ZBTB7C: variants seen among roughly 807,000 people sequenced by gnomAD.
ZBTB7C encodes zinc finger and BTB domain-containing protein 7C.
A neutral mutation model predicts 25.7 loss-of-function variants in ZBTB7C; 8 were observed. The ratio of observed to expected loss-of-function variants is 0.31; its 90% CI spans 0.18 to 0.56. The LOEUF is 0.56. Among genes scored for constraint, ZBTB7C ranks in the 20% least tolerant of loss-of-function variants. The probability of loss-of-function intolerance (pLI) is 0.91; values close to 1 mark genes in which losing one functional copy is unlikely to be tolerated. For missense variants in ZBTB7C, 824 were observed against 855.2 expected (o/e 0.96, Z 0.46); for synonymous variants, 394 against 369.0 (o/e 1.07, Z -0.78).
chr18:48,092,254 CG>C (rs1286376503), intron 3 of ZBTB7C, among the ~76,000 whole-genome samples: 1 of 152,212 alleles, frequency 6.6e-6, no homozygotes, highest in African/African-American at 2.4e-5. Flanking sequence ...GAACTTAACA[CG>C]TTGTGAACCC....
intron 3 of ZBTB7C, among the ~76,000 whole-genome samples, chr18:48,178,635 T>G (rs547361572): frequency 1.3e-5 from 2 of 152,316 alleles, no homozygotes; most frequent in Non-Finnish European, 2.9e-5. Flanking sequence ...GGCTCTTTAT[T>G]ATTCATTCTA....
chr18:48,210,701 C>G (rs11877704), intron 2 of ZBTB7C, among the ~76,000 whole-genome samples: 18,466 of 151,574 alleles, frequency 0.12, 1,506 homozygotes, highest in Non-Finnish European at 0.18. Context: ...TACGAGGTGT[C>G]TCCGGGGGTA....
intron 4 of ZBTB7C, among the ~76,000 whole-genome samples, chr18:48,036,568 TGAAG>T (rs2035980451): frequency 6.6e-6 from 1 of 152,024 alleles, no homozygotes; most frequent in South Asian, 2.1e-4. Context: ...TCAGCTGTGA[TGAAG>T]GAAAGACTCG....
chr18:48,191,639 C>T (rs1345766429), intron 2 of ZBTB7C, among the ~76,000 whole-genome samples: 1 of 152,194 alleles, frequency 6.6e-6, no homozygotes, highest in Non-Finnish European at 1.5e-5. Flanking sequence ...GGAGAAAGTA[C>T]TTCTGGGGCT....
intron 2 of ZBTB7C, among the ~76,000 whole-genome samples, chr18:48,190,043 A>G (rs539345536): frequency 1.3e-5 from 2 of 152,244 alleles, no homozygotes; most frequent in Non-Finnish European, 2.9e-5. Context: ...CCTTGACCAG[A>G]GTGCTGTTGG....
intron 2 of ZBTB7C, among the ~76,000 whole-genome samples, chr18:48,332,137 C>A (rs771048789): frequency 6.6e-6 from 1 of 152,200 alleles, no homozygotes; most frequent in Non-Finnish European, 1.5e-5. Context: ...TCATCGATTG[C>A]ATTTGGTTGG....
intron 3 of ZBTB7C, among the ~76,000 whole-genome samples, chr18:48,106,142 G>A (rs559844294): frequency 3.0e-4 from 45 of 152,308 alleles, no homozygotes; most frequent in African/African-American, 9.6e-4. Context: ...GGCCTTGGTG[G>A]CTGTCCCCGC....
chr18:48,054,505 A>T (rs1293256425), intron 3 of ZBTB7C, among the ~76,000 whole-genome samples: 1 of 152,050 alleles, frequency 6.6e-6, no homozygotes, highest in Non-Finnish European at 1.5e-5. Context: ...CCCTCGACAA[A>T]CACTCCTGCC....
intron 2 of ZBTB7C, among the ~76,000 whole-genome samples, chr18:48,319,951 T>G (rs1257700634): frequency 1.3e-5 from 2 of 152,008 alleles, no homozygotes; most frequent in Admixed American, 1.3e-4. Flanking sequence ...GCCGTGGGTT[T>G]ATATCAGTGA....
chr18:48,059,055 T>C (rs923128720), intron 3 of ZBTB7C, among the ~76,000 whole-genome samples: 1 of 152,196 alleles, frequency 6.6e-6, no homozygotes, highest in Admixed American at 6.5e-5. Flanking sequence ...TATAAAATCA[T>C]GTGGATGAGA....
intron 2 of ZBTB7C, among the ~76,000 whole-genome samples, chr18:48,260,528 A>G (rs2044142467): frequency 6.6e-6 from 1 of 152,216 alleles, no homozygotes. Flanking sequence ...AAAGCTGTTG[A>G]AAACAACATG....
In ZBTB7C at chr18:48,027,662, T is replaced by A. The variant is rs1489901266; in HGVS notation, c.*1598A>T. On this transcript the variant is annotated 3_prime_UTR_variant, in exon 5 of 5. Coordinates refer to ENST00000590800, the MANE Select transcript of ZBTB7C (RefSeq NM_001318841.2). The stretch of plus-strand genomic sequence containing the variant: ...TCTTCTCTGGCCTTTTTGTTTGTTG[T>A]GTTTTTGCTCAGGAAAAAGCCAAGG... 1 of 152,264 alleles carries A rather than the reference T, an allele frequency of 6.6e-6. No individual in the cohort carries two copies. The highest frequency in any genetic ancestry group is 1.5e-5 in the Non-Finnish European group (1 of 68,062). The allele number at this position is 152,264 out of a possible 1,614,324, so 9.4% of individuals were successfully genotyped here. A position where few individuals can be genotyped will look rare whatever the true frequency, so the allele number is the denominator to read the frequency against.
intron 2 of ZBTB7C, chr18:48,252,900 G>C (rs1176346885): frequency 6.6e-6 from 1 of 152,184 alleles, no homozygotes; most frequent in Non-Finnish European, 1.5e-5. Flanking sequence ...AGAGATTTGG[G>C]GTGACTGCCT....
At chr18:48,081,264 T>A (rs1052123752) in intron 3 of ZBTB7C, among the ~76,000 whole-genome samples, 9 of 152,104 alleles carry the variant, frequency 5.9e-5, no homozygotes, top group Non-Finnish European at 1.2e-4. Context: ...ACTGGCCCCA[T>A]GACCATTCAG....
At chr18:48,122,180 G>A (rs2039652887) in intron 3 of ZBTB7C, among the ~76,000 whole-genome samples, 1 of 152,216 alleles carries the variant, frequency 6.6e-6, no homozygotes. Context: ...TGCCAGCACA[G>A]CCCAGTGTAG....
chr18:48,082,000 G>A (rs1003660554), intron 3 of ZBTB7C, among the ~76,000 whole-genome samples: 18 of 151,992 alleles, frequency 1.2e-4, no homozygotes, highest in African/African-American at 4.1e-4. Flanking sequence ...ATGTGACTAT[G>A]AGGAACATTT....
At chr18:48,185,871 A>G (rs2042041483) in intron 3 of ZBTB7C, 63 bp downstream of exon 3, 1 of 152,274 alleles carries the variant, frequency 6.6e-6, no homozygotes, top group Non-Finnish European at 1.5e-5. Flanking sequence ...TAACAGGGAA[A>G]TCCACCCACT....
chr18:48,146,899 TTAAC>T (rs2144864021), intron 3 of ZBTB7C, among the ~76,000 whole-genome samples: 1 of 152,360 alleles, frequency 6.6e-6, no homozygotes, highest in East Asian at 1.9e-4. Context: ...TCTCATCAGA[TTAAC>T]TATGGCCATT....
At chr18:48,150,334 C>G (rs1159561009) in intron 3 of ZBTB7C, 1 of 152,004 alleles carries the variant, frequency 6.6e-6, no homozygotes, top group African/African-American at 2.4e-5. Flanking sequence ...GTAATCCCAG[C>G]ACTTTGGGAG....
Sources: gnomAD v4.1 joint callset for allele counts (sites outside exome capture counted in the v4.1 genomes callset) on GRCh38, gnomAD v4.1.1 for gene constraint, MANE v1.5 for transcripts, NCBI Gene and HGNC (gene_info 2026-07-23, HGNC 2026-07-21) for gene names.